The following ZNF609 variants were observed in gnomAD, a reference collection of about 807,000 sequenced individuals.
The protein encoded by ZNF609 is zinc finger protein 609.
Under a neutral mutation model 109.5 loss-of-function variants are expected in ZNF609, and 11 were observed. That is an observed-to-expected ratio of 0.10 (90% confidence interval 0.06 to 0.17). The LOEUF is 0.17. Ranked by LOEUF, ZNF609 falls within the 10% of genes least tolerant of loss-of-function variation. The pLI is 1.00. For synonymous variants in ZNF609, 646 were observed against 662.0 expected (o/e 0.98, Z 0.37); for missense variants, 1,559 against 1,772.4 (o/e 0.88, Z 2.16).
chr15:64,580,037 G>A (rs1318300868), intron 2 of ZNF609, among the ~76,000 whole-genome samples: 1 of 152,146 alleles, frequency 6.6e-6, no homozygotes, highest in East Asian at 1.9e-4. Flanking sequence ...GAGGTGGGGG[G>A]ATTAGCTTAG....
At chr15:64,629,473 C>T (rs1312740319) in intron 3 of ZNF609, among the ~76,000 whole-genome samples, 1 of 152,154 alleles carries the variant, frequency 6.6e-6, no homozygotes, top group East Asian at 1.9e-4. Context: ...AATGGAATCA[C>T]TGTTTCAGGC....
At chr15:64,680,485 G>C in intron 7 of ZNF609, 125 bp downstream of exon 7, 1 of 1,335,536 alleles carries the variant, frequency 7.5e-7, no homozygotes, top group South Asian at 1.4e-5. Flanking sequence ...GACACTGGCA[G>C]CCCCCAGGGC....
chr15:64,536,825 G>A (rs957720824), intron 2 of ZNF609, among the ~76,000 whole-genome samples: 1 of 148,416 alleles, frequency 6.7e-6, no homozygotes, highest in South Asian at 2.1e-4. Context: ...TGCAAGGACT[G>A]CTTGAGCCTG....
intron 3 of ZNF609, among the ~76,000 whole-genome samples, chr15:64,648,737 C>A (rs561704632): frequency 7.0e-6 from 1 of 143,644 alleles, no homozygotes; most frequent in African/African-American, 2.6e-5. Flanking sequence ...CTGACCACCA[C>A]CACATACCAA....
intron 3 of ZNF609, among the ~76,000 whole-genome samples, chr15:64,659,835 C>CA (rs1485473047): frequency 7.3e-6 from 1 of 137,234 alleles, no homozygotes; most frequent in Non-Finnish European, 1.6e-5. Context: ...TTCTTTCTTT[C>CA]TTTTTTTTTT....
intron 2 of ZNF609, among the ~76,000 whole-genome samples, chr15:64,595,948 T>G (rs907827933): frequency 3.3e-5 from 5 of 152,158 alleles, no homozygotes; most frequent in African/African-American, 1.2e-4. Context: ...TTTGGATAAG[T>G]GGGCTGTCCA....
In ZNF609 at chr15:64,547,351, G is replaced by A. The variant is rs114446902; in HGVS notation, c.747+47185G>A. On this transcript the variant is annotated intron_variant, in intron 2 of 9. Coordinates refer to ENST00000326648, the MANE Select transcript of ZNF609 (RefSeq NM_015042.2). ...AGATGTTTGGATTTTTTGGTTTTCT[G>A]GATATTTGAGAGCCTTATCTTTGTA... Among the ~76,000 whole-genome samples the A allele has an allele frequency of 2.4e-3, 364 of 152,206 alleles. 2 individuals are homozygous for A. The highest frequency in any genetic ancestry group is 8.5e-3 in the African/African-American group (351 of 41,512).
chr15:64,576,975 TATATATGTATGTATACACATAA>T (rs1567019025), intron 2 of ZNF609, among the ~76,000 whole-genome samples: 17 of 136,934 alleles, frequency 1.2e-4, no homozygotes, highest in African/African-American at 4.7e-4. Flanking sequence ...CACATAAATA[TATATATGTATGTATACACATAA>T]ATATATATAT....
chr15:64,623,312 T>G (rs1240483406), intron 3 of ZNF609, among the ~76,000 whole-genome samples: 1 of 152,226 alleles, frequency 6.6e-6, no homozygotes, highest in Non-Finnish European at 1.5e-5. Flanking sequence ...GGCCAGGTAA[T>G]TCAAACTGTA....
intron 2 of ZNF609, among the ~76,000 whole-genome samples, chr15:64,559,742 C>T (rs1343266384): frequency 6.6e-6 from 1 of 152,152 alleles, no homozygotes; most frequent in Non-Finnish European, 1.5e-5. Flanking sequence ...AGTGGTCGCT[C>T]AATAAGTATT....
intron 3 of ZNF609, among the ~76,000 whole-genome samples, chr15:64,637,382 C>T (rs996846361): frequency 6.6e-6 from 1 of 152,206 alleles, no homozygotes; most frequent in Non-Finnish European, 1.5e-5. Flanking sequence ...ACTATATATA[C>T]ATATTCCTAT....
chr15:64,507,714 C>A (rs1893657586), intron 2 of ZNF609, among the ~76,000 whole-genome samples: 1 of 152,102 alleles, frequency 6.6e-6, no homozygotes, highest in African/African-American at 2.4e-5. Context: ...CATGTTGTAT[C>A]TCTGTGTATA....
intron 3 of ZNF609, among the ~76,000 whole-genome samples, chr15:64,667,675 G>A (rs976377024): frequency 6.6e-6 from 1 of 151,924 alleles, no homozygotes; most frequent in African/African-American, 2.4e-5. Flanking sequence ...TCAGGCCATT[G>A]CACTTCAGCC....
At chr15:64,536,779 C>G (rs1453643374) in intron 2 of ZNF609, among the ~76,000 whole-genome samples, 1 of 151,498 alleles carries the variant, frequency 6.6e-6, no homozygotes, top group East Asian at 1.9e-4. Context: ...CAGGCCTGTC[C>G]CATTTACTCA....
rs525878 is a variant in ZNF609 at position 64,622,907 on chromosome 15, C to T, written c.828C>T (p.Pro276=). 1 allele frequency: 1,608,710 copies of T among 1,614,256 alleles called. 801,727 individuals are homozygous for T. Among genetic ancestry groups the T allele is most frequent in the East Asian group, 1 (44,885 of 44,886 alleles). The part of the protein sequence containing the change: ...VPVVNNDISS[P]CEQIMVRTRS... The stretch of plus-strand genomic sequence containing the variant: ...TGGTCAACAATGACATCTCATCTCC[C>T]TGTGAGCAGATCATGGTTCGTACCC... Residue 276 remains proline, a synonymous_variant, in exon 3 of 10, where the codon CCC becomes CCT. Coordinates refer to ENST00000326648, the MANE Select transcript of ZNF609 (RefSeq NM_015042.2).
chr15:64,639,489 G>A (rs539251670), intron 3 of ZNF609, among the ~76,000 whole-genome samples: 13 of 152,294 alleles, frequency 8.5e-5, no homozygotes, highest in African/African-American at 2.9e-4. Flanking sequence ...GCAATCCATA[G>A]TGTTCCTTGG....
intron 9 of ZNF609, 23 bp downstream of exon 9, chr15:64,681,410 G>T (rs777699529): frequency 6.3e-7 from 1 of 1,599,654 alleles, no homozygotes; most frequent in Admixed American, 1.7e-5. Flanking sequence ...TATTAATTTG[G>T]GGCAACACAT....
intron 4 of ZNF609, among the ~76,000 whole-genome samples, chr15:64,670,879 CAAA>C (rs112565259): frequency 1.4e-4 from 7 of 50,746 alleles, no homozygotes; most frequent in Admixed American, 2.4e-4. Flanking sequence ...AACTCCATCT[CAAA>C]AAAAAAAAAA....
At chr15:64,672,806 A>C (rs904142134) in intron 4 of ZNF609, among the ~76,000 whole-genome samples, 1 of 148,080 alleles carries the variant, frequency 6.8e-6, no homozygotes, top group Non-Finnish European at 1.5e-5. Flanking sequence ...TCTACTAAAA[A>C]TACAAAAATT....
Sources: allele counts gnomAD v4.1 joint callset (sites outside exome capture counted in the v4.1 genomes callset), GRCh38; gene constraint gnomAD v4.1.1; transcripts MANE v1.5; gene names NCBI Gene and HGNC (gene_info 2026-07-23, HGNC 2026-07-21).